The following GPHN variants were observed in gnomAD, a reference collection of about 807,000 sequenced individuals.
GPHN encodes gephyrin.
GPHN carries 17 observed loss-of-function variants against 95.5 expected under a neutral mutation model. The ratio of observed to expected loss-of-function variants is 0.18; its 90% CI spans 0.12 to 0.27. The LOEUF (loss-of-function observed/expected upper bound fraction) is 0.27. Among genes scored for constraint, GPHN ranks in the 10% least tolerant of loss-of-function variants. GPHN has a pLI of 1.00. For missense variants in GPHN, 660 were observed against 978.1 expected (o/e 0.67, Z 4.34); for synonymous variants, 320 against 322.5 (o/e 0.99, Z 0.08).
At chr14:67,636,924 C>T in the GPHN span, among the ~76,000 whole-genome samples, 1 of 152,212 alleles carries the variant, frequency 6.6e-6, no homozygotes, top group African/African-American at 2.4e-5. Context: ...CTGACCTGGA[C>T]TTACAGATGA....
chr14:67,570,466 A>T, the GPHN span: 97 of 187,352 alleles, frequency 5.2e-4, no homozygotes, highest in Non-Finnish European at 9.1e-4. Context: ...TACTTGATAA[A>T]ATTTTTTATA....
rs148836560 is a variant in GPHN at position 66,699,694 on chromosome 14, TCTCA to T, written c.143+18512_143+18515del. Among the ~76,000 whole-genome samples, 468 of 152,278 alleles carry T rather than the reference TCTCA, an allele frequency of 3.1e-3. 3 individuals are homozygous for T. Among genetic ancestry groups the T allele is most frequent in the African/African-American group, 0.011 (438 of 41,570 alleles). On this transcript the variant is annotated intron_variant, in intron 2 of 22. Transcript: ENST00000478722. ...TACTTCCTGGCTCTTCAACTTCACC[TCTCA>T]CTATTTGCTGTTTTTATACTATTTG...
the GPHN span, among the ~76,000 whole-genome samples, chr14:67,272,874 G>A: frequency 3.3e-5 from 5 of 151,994 alleles, no homozygotes; most frequent in African/African-American, 1.2e-4. Context: ...TCACCATATT[G>A]CCCAGGCTGG....
chr14:67,581,521 G>A, the GPHN span: 1 of 165,776 alleles, frequency 6.0e-6, no homozygotes, highest in African/African-American at 2.4e-5. Context: ...GTGAGACCCT[G>A]CCTCAAAAAA....
chr14:67,176,988 T>G (rs72717330), intron 21 of GPHN, among the ~76,000 whole-genome samples: 7,742 of 152,332 alleles, frequency 0.051, 212 homozygotes, highest in Middle Eastern at 0.068. Context: ...TTAGTCTTGC[T>G]AAGAGTCTAT....
At chr14:67,577,531 TCCCAGGG>T in the GPHN span, 2 of 675,392 alleles carry the variant, frequency 3.0e-6, no homozygotes, top group Non-Finnish European at 2.6e-6. Flanking sequence ...GAAGGAAACT[TCCCAGGG>T]TCCCTATCAC....
intron 2 of GPHN, chr14:66,709,428 A>G (rs2069402972): frequency 2.2e-6 from 1 of 455,878 alleles, no homozygotes. Flanking sequence ...CTGCGATACC[A>G]CAATAGCTGA....
chr14:67,194,681 T>C, the GPHN span, among the ~76,000 whole-genome samples: 5 of 152,094 alleles, frequency 3.3e-5, no homozygotes, highest in Non-Finnish European at 5.9e-5. Context: ...AATTGTATTT[T>C]TAGTAGAGAT....
chr14:67,008,408 A>G (rs910733036), intron 9 of GPHN, among the ~76,000 whole-genome samples: 6 of 151,518 alleles, frequency 4.0e-5, no homozygotes, highest in Admixed American at 3.9e-4. Context: ...GTGAGCCGAG[A>G]TCGCTCCACT....
intron 1 of GPHN, among the ~76,000 whole-genome samples, chr14:66,543,804 C>A (rs2059436767): frequency 6.6e-6 from 1 of 152,140 alleles, no homozygotes; most frequent in Non-Finnish European, 1.5e-5. Flanking sequence ...ACTGCCATTA[C>A]CCTGGTTCAA....
At chr14:67,643,705 G>C in the GPHN span, among the ~76,000 whole-genome samples, 1 of 152,036 alleles carries the variant, frequency 6.6e-6, no homozygotes, top group Non-Finnish European at 1.5e-5. Context: ...CCAAGGACTA[G>C]AACCAGGAAA....
At chr14:67,510,708 G>A in the GPHN span, among the ~76,000 whole-genome samples, 6 of 152,274 alleles carry the variant, frequency 3.9e-5, no homozygotes, top group Middle Eastern at 3.4e-3. Context: ...GCTTTGAACA[G>A]GCCTTTTTGA....
chr14:67,390,060 A>C, the GPHN span, among the ~76,000 whole-genome samples: 1 of 152,204 alleles, frequency 6.6e-6, no homozygotes, highest in East Asian at 1.9e-4. Flanking sequence ...ACATTGCCCA[A>C]GACAAGGCTG....
At chr14:67,651,368 C>T in the GPHN span, 1 of 1,613,450 alleles carries the variant, frequency 6.2e-7, no homozygotes, top group Non-Finnish European at 8.5e-7. Flanking sequence ...GGTCCACAAA[C>T]CCTTCCCTAT....
intron 17 of GPHN, among the ~76,000 whole-genome samples, chr14:67,128,672 C>T (rs1319155401): frequency 2.0e-5 from 3 of 152,018 alleles, no homozygotes; most frequent in African/African-American, 4.8e-5. Flanking sequence ...CACTGTGGCT[C>T]GTGCCTCTAA....
intron 2 of GPHN, among the ~76,000 whole-genome samples, chr14:66,773,993 G>GTTTTTTTTT (rs1172451199): frequency 1.1e-5 from 1 of 89,974 alleles, no homozygotes; most frequent in Non-Finnish European, 2.0e-5. Flanking sequence ...TATCTAGAAA[G>GTTTTTTTTT]TTTTTTTTTT....
At chr14:67,708,801 T>A in the GPHN span, among the ~76,000 whole-genome samples, 2 of 151,170 alleles carry the variant, frequency 1.3e-5, no homozygotes, top group African/African-American at 4.9e-5. Flanking sequence ...TACCTTTTTT[T>A]TTTTTTTTTT....
At position 67,095,652 on chromosome 14, in the gene GPHN, C is replaced by G. The variant is rs201135780; in HGVS notation, c.1238-5204C>G. On this transcript the variant is annotated intron_variant, in intron 12 of 22. Coordinates refer to ENST00000478722, the MANE Select transcript of GPHN (RefSeq NM_020806.5). ...TAGGGACATGGATGAAATTGGAAAT[C>G]ATCATTCTCAGTAAACTATCGCAAG... Among the ~76,000 whole-genome samples the G allele has an allele frequency of 5.9e-4, 90 of 152,096 alleles. No homozygotes were observed. The East Asian group carries it at 0.012, about 20-fold the overall frequency.
At position 67,180,789 on chromosome 14, in the gene GPHN, A is replaced by G. The variant is rs910122802; in HGVS notation, c.2177-15A>G. 1 of 1,612,442 alleles carries G rather than the reference A, an allele frequency of 6.2e-7. No homozygotes were observed. ...ATGATGCTTATGCTGCTGTAATAAG[A>G]GTATTTCTTTCTAGGTAATCAAATG... On this transcript the variant is annotated splice_polypyrimidine_tract_variant and intron_variant, in intron 22 of 22. Coordinates refer to ENST00000478722, the MANE Select transcript of GPHN (RefSeq NM_020806.5).
Sources: gnomAD v4.1 joint callset for allele counts (sites outside exome capture counted in the v4.1 genomes callset) on GRCh38, gnomAD v4.1.1 for gene constraint, MANE v1.5 for transcripts, NCBI Gene and HGNC (gene_info 2026-07-23, HGNC 2026-07-21) for gene names.